The following DLAT variants were observed in gnomAD, a reference collection of about 807,000 sequenced individuals.
DLAT encodes the protein dihydrolipoamide S-acetyltransferase.
Under a neutral mutation model 68.0 loss-of-function variants are expected in DLAT, and 43 were observed. That is an observed-to-expected ratio of 0.63 (90% CI 0.50 to 0.81). DLAT has a LOEUF of 0.81. Ranked by LOEUF, DLAT falls within the 40% of genes least tolerant of loss-of-function variation. The pLI is 0.00. For missense variants in DLAT, 745 were observed against 815.4 expected (o/e 0.91, Z 1.05); for synonymous variants, 265 against 288.6 (o/e 0.92, Z 0.83).
chr11:112,027,016 A>ATGGGG (rs1862068899), intron 2 of DLAT, among the ~76,000 whole-genome samples: 1 of 147,564 alleles, frequency 6.8e-6, no homozygotes, highest in African/African-American at 2.5e-5. Context: ...TCCCTCCCAG[A>ATGGGG]CGGGGCGGCT....
At chr11:112,030,012 G>C (rs1555179838) in intron 4 of DLAT, 1 of 1,037,162 alleles carries the variant, frequency 9.6e-7, no homozygotes, top group Non-Finnish European at 1.5e-6. Flanking sequence ...ACAGCCATTT[G>C]TACTGGGACC....
At chr11:112,054,626 C>T (rs782028513) in intron 11 of DLAT, among the ~76,000 whole-genome samples, 1 of 152,174 alleles carries the variant, frequency 6.6e-6, no homozygotes, top group Non-Finnish European at 1.5e-5. Flanking sequence ...TTTCCTTGGT[C>T]ATTCTTCATT....
At chr11:112,030,023 G>T in intron 4 of DLAT, 2 of 1,010,096 alleles carry the variant, frequency 2.0e-6, no homozygotes, top group Non-Finnish European at 3.1e-6. Flanking sequence ...TACTGGGACC[G>T]CTGTTTGCCG....
intron 7 of DLAT, among the ~76,000 whole-genome samples, chr11:112,040,831 A>C (rs1317353514): frequency 1.3e-5 from 2 of 152,128 alleles, no homozygotes; most frequent in African/African-American, 4.8e-5. Context: ...TAGACAAGCA[A>C]AGAAGGACCA....
At position 112,028,642 on chromosome 11, in the gene DLAT, G is replaced by A; in HGVS notation, c.506+3G>A. On this transcript the variant is annotated splice_donor_region_variant and intron_variant, in intron 3 of 13. Transcript: ENST00000280346. ...ATCATCTGTATCACAGTTGGCAAGT[G>A]AGTAGTGCGCTCATAATTTGTGGAA... 1 of 1,614,190 alleles carries A rather than the reference G, an allele frequency of 6.2e-7. No homozygotes were observed. The highest frequency in any genetic ancestry group is 8.5e-7 in the Non-Finnish European group (1 of 1,180,038).
In DLAT at chr11:112,063,598, G is replaced by A. The variant is rs1460401429; in HGVS notation, c.*1063G>A. 6.6e-6 allele frequency: 1 copy of A among 152,402 alleles called. No individual in the cohort carries two copies. Among genetic ancestry groups the A allele is most frequent in the African/African-American group, 2.4e-5 (1 of 41,446 alleles). 9.4% of individuals were successfully genotyped at this position (152,402 alleles called of 1,614,324 possible). A position where few individuals can be genotyped will look rare whatever the true frequency, so the allele number is the denominator to read the frequency against. On this transcript the variant is annotated 3_prime_UTR_variant, in exon 14 of 14. Coordinates refer to ENST00000280346, the MANE Select transcript of DLAT (RefSeq NM_001931.5). ...ATTTCTACTTTGATAAAGTAAAAAA[G>A]TTAAATGTGTGTAAAAAAGTGTTCT...
At chr11:112,040,271 G>C (rs1217678522) in intron 7 of DLAT, among the ~76,000 whole-genome samples, 1 of 152,172 alleles carries the variant, frequency 6.6e-6, no homozygotes, top group Non-Finnish European at 1.5e-5. Flanking sequence ...TTGATGGCTT[G>C]TACTATGTGT....
chr11:112,036,201 GTTTTTTTTTTT>G (rs1167345612), intron 5 of DLAT, among the ~76,000 whole-genome samples: 907 of 36,150 alleles, frequency 0.025, 15 homozygotes, highest in African/African-American at 0.067. Flanking sequence ...GTGTGTGTGT[GTTTTTTTTTTT>G]TTTTTTTTTT....
Position 112,043,463 on chromosome 11 carries a change from C to A in DLAT, c.1130-3C>A. 1 of 1,613,280 alleles carries A rather than the reference C, an allele frequency of 6.2e-7. No individual in the cohort carries two copies. Among genetic ancestry groups the A allele is most frequent in the Non-Finnish European group, 8.5e-7 (1 of 1,179,264 alleles). On this transcript the variant is annotated splice_polypyrimidine_tract_variant and splice_region_variant and intron_variant, in intron 7 of 13. Transcript: ENST00000280346. ...ATGTATGTGATATTTATGTCTCTTA[C>A]AGGGACAGGACCAGATGGTAGAATC...
chr11:112,051,214 A>G lies in DLAT; in HGVS notation c.1399-20A>G, dbSNP rs782538910. The stretch of plus-strand genomic sequence containing the variant: ...TTAAAATTAAAAAAGAAGAAACTAC[A>G]GTTCTTCTTGTCTTTCCAGATATTA... On this transcript the variant is annotated intron_variant, in intron 10 of 13. Coordinates refer to ENST00000280346, the MANE Select transcript of DLAT (RefSeq NM_001931.5). The surrounding 1 kb of genome is among the most constrained non-coding windows in gnomAD (Gnocchi z 4.3). The G allele has an allele frequency of 2.7e-6, 4 of 1,456,000 alleles. No individual in the cohort carries two copies. The highest frequency in any genetic ancestry group is 3.8e-6 in the Non-Finnish European group (4 of 1,043,876). The allele number at this position is 1,456,000 out of a possible 1,614,324, so 90.2% of individuals were successfully genotyped here. A position where few individuals can be genotyped will look rare whatever the true frequency, so the allele number is the denominator to read the frequency against.
Position 112,053,927 on chromosome 11 carries a change from A to G in DLAT, c.1514+2578A>G, listed in dbSNP as rs587650382. Among the ~76,000 whole-genome samples the G allele has an allele frequency of 1.6e-4, 24 of 152,152 alleles. No homozygotes were observed. The East Asian group carries it at 4.6e-3, about 29-fold the overall frequency. Reference sequence around the variant, plus strand: ...AGCTCCAGTCTTGGGACTAGAGAGAAAAAAAAAGGTAGGTTTGTTATGCCC... The same window carrying G: ...AGCTCCAGTCTTGGGACTAGAGAGAGAAAAAAAGGTAGGTTTGTTATGCCC... On this transcript the variant is annotated intron_variant, in intron 11 of 13. Coordinates refer to ENST00000280346, the MANE Select transcript of DLAT (RefSeq NM_001931.5).
At chr11:112,060,613 CCTGA>C (rs1864530988) in intron 12 of DLAT, among the ~76,000 whole-genome samples, 1 of 151,884 alleles carries the variant, frequency 6.6e-6, no homozygotes, top group Non-Finnish European at 1.5e-5. Context: ...CACCACTGCA[CCTGA>C]CTAATTTTGT....
chr11:112,060,026 C>G lies in DLAT; in HGVS notation c.1638C>G (p.Thr546=), dbSNP rs1051066804. 1.2e-6 allele frequency: 2 copies of G among 1,613,806 alleles called. No homozygotes were observed. The highest frequency in any genetic ancestry group is 1.7e-6 in the Non-Finnish European group (2 of 1,179,892). The change falls in exon 12 of 14, where the codon ACC becomes ACG. Residue 546 remains threonine (T), a synonymous_variant. Coordinates refer to ENST00000280346, the MANE Select transcript of DLAT (RefSeq NM_001931.5). ...TIANDVVSLA[T]KAREGKLQPH... ...CTAATGATGTTGTTTCTTTAGCAAC[C>G]AAAGCAAGAGAGGGTAAACTACAGC...
At chr11:112,043,679 AC>A in intron 8 of DLAT, 146 bp downstream of exon 8, 1 of 838,204 alleles carries the variant, frequency 1.2e-6, no homozygotes, top group Non-Finnish European at 2.0e-6. Context: ...ATCCCTCGGT[AC>A]CCATGAGAGG....
At chr11:112,041,608 C>A (rs1410524303) in intron 7 of DLAT, among the ~76,000 whole-genome samples, 5 of 152,154 alleles carry the variant, frequency 3.3e-5, no homozygotes, top group Admixed American at 2.6e-4. Flanking sequence ...GTTGGCCAGG[C>A]GCAATGGCTC....
chr11:112,060,151 T>A (rs1864474873), intron 12 of DLAT, 86 bp downstream of exon 12: 2 of 1,079,658 alleles, frequency 1.9e-6, no homozygotes, highest in Non-Finnish European at 2.7e-6. Context: ...TTTGATTCTG[T>A]CACGTAATTT....
At chr11:112,043,837 T>C (rs1329190964) in intron 8 of DLAT, among the ~76,000 whole-genome samples, 1 of 152,178 alleles carries the variant, frequency 6.6e-6, no homozygotes, top group African/African-American at 2.4e-5. Context: ...AAATACAAGG[T>C]AAATACTATG....
chr11:112,061,302 C>T, intron 13 of DLAT, 128 bp downstream of exon 13: 2 of 925,790 alleles, frequency 2.2e-6, no homozygotes, highest in Non-Finnish European at 3.5e-6. Flanking sequence ...GCTCAAGTCC[C>T]TGATATGATA....
chr11:112,036,101 A>G (rs1230036021), intron 5 of DLAT, among the ~76,000 whole-genome samples: 1 of 146,192 alleles, frequency 6.8e-6, no homozygotes, highest in African/African-American at 2.5e-5. Flanking sequence ...TTAAACATAT[A>G]TATATATATC....
Sources: allele counts gnomAD v4.1 joint callset (sites outside exome capture counted in the v4.1 genomes callset), GRCh38; gene constraint gnomAD v4.1.1; non-coding constraint Gnocchi (gnomAD v3.1); transcripts MANE v1.5; gene names NCBI Gene and HGNC (gene_info 2026-07-23, HGNC 2026-07-21).